ILDR2: variants seen among roughly 807,000 people sequenced by gnomAD.
The protein encoded by ILDR2 is immunoglobulin like domain containing receptor 2.
ILDR2 carries 25 observed loss-of-function variants against 66.8 expected under a neutral mutation model. The observed-to-expected ratio is 0.37, with a 90% CI of 0.27 to 0.52. The LOEUF (loss-of-function observed/expected upper bound fraction) is 0.52. ILDR2 is among the 20% of genes least tolerant of loss of function. The pLI is 0.88. For synonymous variants in ILDR2, 367 were observed against 357.2 expected (o/e 1.03, Z -0.31); for missense variants, 827 against 876.8 (o/e 0.94, Z 0.72).
At chr1:166,947,841 TAGTG>T (rs1157084467) in intron 3 of ILDR2, among the ~76,000 whole-genome samples, 1 of 151,490 alleles carries the variant, frequency 6.6e-6, no homozygotes, top group Non-Finnish European at 1.5e-5. Flanking sequence ...GAAGCAAAAA[TAGTG>T]AGGCGGAATA....
At chr1:166,973,949 A>C (rs1364951680) in intron 1 of ILDR2, among the ~76,000 whole-genome samples, 1 of 152,220 alleles carries the variant, frequency 6.6e-6, no homozygotes, top group Non-Finnish European at 1.5e-5. Context: ...GAAATGGGAA[A>C]AATATTTAGG....
intron 7 of ILDR2, 99 bp from the exon 8 acceptor site, chr1:166,922,908 A>G (rs1557932092): frequency 9.8e-7 from 1 of 1,023,408 alleles, no homozygotes; most frequent in Non-Finnish European, 1.5e-6. Flanking sequence ...GCTCCAGGAA[A>G]CTCCTGCCTC....
At chr1:166,925,012 T>A (rs1660192593) in intron 7 of ILDR2, among the ~76,000 whole-genome samples, 1 of 151,708 alleles carries the variant, frequency 6.6e-6, no homozygotes, top group Non-Finnish European at 1.5e-5. Context: ...CAAGACCTTG[T>A]CTCAAAAAAA....
chr1:166,947,290 T>C (rs546682286), intron 3 of ILDR2, among the ~76,000 whole-genome samples: 71 of 152,280 alleles, frequency 4.7e-4, no homozygotes, highest in South Asian at 2.9e-3. Flanking sequence ...CTGCCACAGA[T>C]ACAAAGATAG....
At chr1:166,935,273 G>A in intron 6 of ILDR2, 28 bp downstream of exon 6, 1 of 1,612,982 alleles carries the variant, frequency 6.2e-7, no homozygotes, top group African/African-American at 1.3e-5. Flanking sequence ...AGACAAGCAT[G>A]GGCAGGGCAG....
intron 1 of ILDR2, among the ~76,000 whole-genome samples, chr1:166,972,929 A>C (rs1206840056): frequency 6.6e-6 from 1 of 152,106 alleles, no homozygotes; most frequent in Non-Finnish European, 1.5e-5. Flanking sequence ...TCTGTGAAGA[A>C]TGAGTCTGAA....
intron 3 of ILDR2, among the ~76,000 whole-genome samples, chr1:166,940,611 A>G (rs1661256241): frequency 6.6e-6 from 1 of 152,196 alleles, no homozygotes; most frequent in African/African-American, 2.4e-5. Context: ...TAATGCAAGC[A>G]ATGTGGATAA....
Position 166,936,857 on chromosome 1 carries a change from C to A in ILDR2, c.557-120G>T. 4 of 939,164 alleles carry A rather than the reference C, an allele frequency of 4.3e-6. No individual in the cohort carries two copies. In the Admixed American group the frequency reaches 8.8e-5, roughly 21 times the overall value. The allele number at this position is 939,164 out of a possible 1,614,324, so 58.2% of individuals were successfully genotyped here. On this transcript the variant is annotated intron_variant, in intron 4 of 9. Transcript: ENST00000271417. The surrounding 1 kb of genome is among the most constrained non-coding windows in gnomAD (Gnocchi z 5.0). The stretch of plus-strand genomic sequence containing the variant: ...AGGAGGGACCTAGGGAAGAAAGCTT[C>A]TCTTAACAGGAGACAGAGCCCCAAC...
intron 6 of ILDR2, among the ~76,000 whole-genome samples, chr1:166,933,899 A>G (rs974871410): frequency 7.9e-5 from 12 of 152,158 alleles, no homozygotes; most frequent in Non-Finnish European, 2.9e-5. Context: ...GGAGAGAAAA[A>G]TACAAATCCT....
intron 6 of ILDR2, among the ~76,000 whole-genome samples, chr1:166,929,115 T>C (rs1001645184): frequency 6.6e-6 from 1 of 152,208 alleles, no homozygotes; most frequent in African/African-American, 2.4e-5. Flanking sequence ...CATGCAGTGC[T>C]ATTTATTGAG....
intron 3 of ILDR2, among the ~76,000 whole-genome samples, chr1:166,944,850 G>A (rs189278149): frequency 5.9e-5 from 9 of 152,152 alleles, no homozygotes; most frequent in East Asian, 3.9e-4. Context: ...CAGTTATCTC[G>A]TGGCTGCAAT....
At chr1:166,962,938 C>T (rs931561213) in intron 1 of ILDR2, among the ~76,000 whole-genome samples, 1 of 152,178 alleles carries the variant, frequency 6.6e-6, no homozygotes, top group African/African-American at 2.4e-5. Context: ...ATGTCTCACA[C>T]CCCCAACTCC....
rs569359893 is a variant in ILDR2, at chr1:166,909,122, G to A, written c.*10233C>T. On this transcript the variant is annotated 3_prime_UTR_variant, in exon 10 of 10. Coordinates refer to ENST00000271417, the MANE Select transcript of ILDR2 (RefSeq NM_199351.3). ...AGACTTGCCACATCTCTGGCCACAT[G>A]ATTAGCTCAGATATGGGCACATGAC... 1 of 152,288 alleles carries A rather than the reference G, an allele frequency of 6.6e-6. No homozygotes were observed. The highest frequency in any genetic ancestry group is 2.4e-5 in the African/African-American group (1 of 41,544). The allele number at this position is 152,288 out of a possible 1,614,324, so 9.4% of individuals were successfully genotyped here.
At chr1:166,968,784 T>C (rs1425229177) in intron 1 of ILDR2, among the ~76,000 whole-genome samples, 1 of 152,038 alleles carries the variant, frequency 6.6e-6, no homozygotes, top group Non-Finnish European at 1.5e-5. Flanking sequence ...GAGAACAAAA[T>C]GCTCAGATAG....
In ILDR2 at chr1:166,908,281, T is replaced by C. The variant is rs1397412569; in HGVS notation, c.*11074A>G. ...ACATTCAGTTCCTGGCGAAGGTCCT[T>C]TTCCTGGTTTGCAGACAGATACCTT... On this transcript the variant is annotated 3_prime_UTR_variant, in exon 10 of 10. Transcript: ENST00000271417. The C allele has an allele frequency of 2.0e-5, 3 of 152,242 alleles. No individual in the cohort carries two copies. The East Asian group carries it at 5.8e-4, about 29-fold the overall frequency. The allele number at this position is 152,242 out of a possible 1,614,324, so 9.4% of individuals were successfully genotyped here.
Position 166,909,720 on chromosome 1 carries a change from T to C in ILDR2, c.*9635A>G, listed in dbSNP as rs1347428494. 2.9e-5 allele frequency: 4 copies of C among 138,794 alleles called. No individual in the cohort carries two copies. The highest frequency in any genetic ancestry group is 4.6e-5 in the Non-Finnish European group (3 of 65,786). The allele number at this position is 138,794 out of a possible 1,614,324, so 8.6% of individuals were successfully genotyped here. ...GTTAATAGAAATTGACATATATATG[T>C]GTGTGTGTATACATACATATATATA... On this transcript the variant is annotated 3_prime_UTR_variant, in exon 10 of 10. Coordinates refer to ENST00000271417, the MANE Select transcript of ILDR2 (RefSeq NM_199351.3).
Position 166,919,259 on chromosome 1 carries a change from G to A in ILDR2, c.*96C>T, listed in dbSNP as rs772225302. Reference sequence around the variant, plus strand: ...GATCAGCAAATCTTCCAAGGTGATGGCCAGAGAAGGTCCTGGGCCTGCTGG... The same window carrying A: ...GATCAGCAAATCTTCCAAGGTGATGACCAGAGAAGGTCCTGGGCCTGCTGG... On this transcript the variant is annotated 3_prime_UTR_variant, in exon 10 of 10. Coordinates refer to ENST00000271417, the MANE Select transcript of ILDR2 (RefSeq NM_199351.3). 1.7e-6 allele frequency: 2 copies of A among 1,152,318 alleles called. No individual in the cohort carries two copies. The highest frequency in any genetic ancestry group is 1.9e-5 in the Admixed American group (1 of 51,764). The allele number at this position is 1,152,318 out of a possible 1,614,324, so 71.4% of individuals were successfully genotyped here. A position where few individuals can be genotyped will look rare whatever the true frequency, so the allele number is the denominator to read the frequency against.
At chr1:166,965,570 G>GTTTTTTTTTTTTTTTTTTT (rs535388259) in intron 1 of ILDR2, among the ~76,000 whole-genome samples, 3 of 127,404 alleles carry the variant, frequency 2.4e-5, no homozygotes, top group Non-Finnish European at 1.6e-5. Flanking sequence ...GTTAGGTTTT[G>GTTTTTTTTTTTTTTTTTTT]TTTTTTTTTT....
intron 2 of ILDR2, among the ~76,000 whole-genome samples, chr1:166,901,937 T>A (rs1659271857): frequency 6.6e-6 from 1 of 152,230 alleles, no homozygotes; most frequent in Non-Finnish European, 1.5e-5. Context: ...CTCGGCTCAC[T>A]GCAACCTCCG....
Sources: gnomAD v4.1 joint callset for allele counts (sites outside exome capture counted in the v4.1 genomes callset) on GRCh38, gnomAD v4.1.1 for gene constraint, Gnocchi (gnomAD v3.1) non-coding constraint, MANE v1.5 for transcripts, NCBI Gene and HGNC (gene_info 2026-07-23, HGNC 2026-07-21) for gene names.